The following STXBP6 variants were observed in gnomAD, a reference collection of about 807,000 sequenced individuals.
STXBP6 encodes the protein syntaxin-binding protein 6.
STXBP6 carries 21 observed loss-of-function variants against 26.9 expected under a neutral mutation model. The observed-to-expected ratio is 0.78, with a 90% confidence interval of 0.55 to 1.12. The LOEUF (loss-of-function observed/expected upper bound fraction) is 1.12, where lower values mean the gene tolerates loss of function less well. STXBP6 is among the 50% of genes most tolerant of loss of function. The probability of loss-of-function intolerance (pLI) is 0.00; values close to 1 mark genes in which losing one functional copy is unlikely to be tolerated. For synonymous variants in STXBP6, 97 were observed against 92.6 expected (o/e 1.05, Z -0.27); for missense variants, 232 against 257.9 (o/e 0.90, Z 0.69).
intron 2 of STXBP6, among the ~76,000 whole-genome samples, chr14:24,957,397 C>A (rs904910175): frequency 3.9e-5 from 6 of 152,196 alleles, no homozygotes; most frequent in African/African-American, 9.7e-5. Flanking sequence ...CTTGTCATCA[C>A]GATCCTAATG....
At chr14:24,827,127 G>A (rs2068308434) in intron 4 of STXBP6, among the ~76,000 whole-genome samples, 1 of 152,114 alleles carries the variant, frequency 6.6e-6, no homozygotes, top group Non-Finnish European at 1.5e-5. Flanking sequence ...CTTGAGCCTG[G>A]GACACTGAGG....
intron 4 of STXBP6, among the ~76,000 whole-genome samples, chr14:24,826,459 C>A (rs769569805): frequency 1.6e-4 from 24 of 152,092 alleles, no homozygotes; most frequent in Non-Finnish European, 4.4e-5. Flanking sequence ...CTACTTAGCT[C>A]ATCTTTCTTT....
chr14:24,985,053 C>G (rs960516816), intron 1 of STXBP6, among the ~76,000 whole-genome samples: 10 of 152,178 alleles, frequency 6.6e-5, no homozygotes, highest in Admixed American at 2.0e-4. Context: ...CTGTTATCAC[C>G]CTAGCCCAGC....
intron 4 of STXBP6, among the ~76,000 whole-genome samples, chr14:24,822,265 C>A (rs1341801282): frequency 1.3e-5 from 2 of 152,090 alleles, no homozygotes; most frequent in African/African-American, 4.8e-5. Context: ...AGTCTAGACA[C>A]CTTCCTCACT....
At chr14:24,894,808 CCG>C (rs2070926690) in intron 2 of STXBP6, among the ~76,000 whole-genome samples, 1 of 152,158 alleles carries the variant, frequency 6.6e-6, no homozygotes. Flanking sequence ...CTCATGGAGA[CCG>C]TGGCTTCCCA....
intron 1 of STXBP6, among the ~76,000 whole-genome samples, chr14:24,991,060 CAGA>C (rs2074461155): frequency 1.3e-5 from 2 of 149,044 alleles, no homozygotes; most frequent in Non-Finnish European, 3.0e-5. Context: ...AGACAGAAGA[CAGA>C]GGAGAGGCAG....
intron 2 of STXBP6, among the ~76,000 whole-genome samples, chr14:24,874,413 T>C (rs2070057179): frequency 6.6e-6 from 1 of 151,942 alleles, no homozygotes. Context: ...TTCAGAAGAG[T>C]GTGGAAAGCC....
intron 1 of STXBP6, among the ~76,000 whole-genome samples, chr14:25,040,268 G>A (rs1043929928): frequency 3.3e-5 from 5 of 152,194 alleles, no homozygotes; most frequent in African/African-American, 1.2e-4. Context: ...GAACTTGGGG[G>A]TGGTCAGAAA....
intron 1 of STXBP6, among the ~76,000 whole-genome samples, chr14:25,029,435 G>C (rs909270208): frequency 5.3e-5 from 8 of 152,040 alleles, no homozygotes; most frequent in Non-Finnish European, 1.2e-4. Context: ...TTTTAATTCA[G>C]GTATGTATTT....
chr14:24,985,114 T>C lies in STXBP6; in HGVS notation c.-32-10264A>G, dbSNP rs148260254. 4.6e-3 allele frequency among the ~76,000 whole-genome samples: 707 copies of C among 152,344 alleles called. 20 individuals are homozygous for C. The highest frequency in any genetic ancestry group is 0.038 in the Admixed American group (577 of 15,300). On this transcript the variant is annotated intron_variant, in intron 1 of 5. Coordinates refer to ENST00000323944, the MANE Select transcript of STXBP6 (RefSeq NM_001394410.1). ...GTAGTTTGAAGTCATTCTTTCTGGA[T>C]ATCTGTTCATCTTGTGTGTGCATAT...
intron 2 of STXBP6, among the ~76,000 whole-genome samples, chr14:24,913,141 C>A (rs910985978): frequency 2.6e-5 from 4 of 152,074 alleles, no homozygotes; most frequent in Non-Finnish European, 5.9e-5. Context: ...GAAAAGGAAA[C>A]CTCCACTGAG....
rs151152831 is a variant in STXBP6 at position 24,858,015 on chromosome 14, T to TTAAA, written c.155-862_155-859dup. Among the ~76,000 whole-genome samples the TTAAA allele has an allele frequency of 2.2e-3, 332 of 152,164 alleles. 2 individuals carry two copies. Among genetic ancestry groups the TTAAA allele is most frequent in the African/African-American group, 7.6e-3 (315 of 41,530 alleles). ...AACCCTGGCTATAGGAATTAGCAAA[T>TTAAA]TAAATAGAAAGGAACTACAGAAAGT... On this transcript the variant is annotated intron_variant, in intron 2 of 5. Coordinates refer to ENST00000323944, the MANE Select transcript of STXBP6 (RefSeq NM_001394410.1).
chr14:24,996,326 C>G (rs1429811774), intron 1 of STXBP6, among the ~76,000 whole-genome samples: 1 of 151,970 alleles, frequency 6.6e-6, no homozygotes, highest in South Asian at 2.1e-4. Context: ...GGTTTTAGTC[C>G]TTAGGAATTT....
chr14:25,019,253 C>G (rs1351466579), intron 1 of STXBP6, among the ~76,000 whole-genome samples: 1 of 152,160 alleles, frequency 6.6e-6, no homozygotes, highest in Admixed American at 6.6e-5. Flanking sequence ...GAATCCAAGT[C>G]TCAGGACTCT....
chr14:25,032,574 G>T (rs956732875), intron 1 of STXBP6, among the ~76,000 whole-genome samples: 2 of 152,234 alleles, frequency 1.3e-5, no homozygotes, highest in African/African-American at 4.8e-5. Flanking sequence ...GTCCGGGGAA[G>T]CCTCACCTAC....
At chr14:25,030,136 C>T (rs749792250) in intron 1 of STXBP6, among the ~76,000 whole-genome samples, 8 of 152,230 alleles carry the variant, frequency 5.3e-5, no homozygotes, top group Admixed American at 2.6e-4. Context: ...ACAATGGCAT[C>T]CCTTGCCAAT....
intron 1 of STXBP6, among the ~76,000 whole-genome samples, chr14:25,013,635 G>A (rs757910116): frequency 6.6e-6 from 1 of 151,850 alleles, no homozygotes; most frequent in Admixed American, 6.6e-5. Context: ...AGAGGCTAGA[G>A]GAATATGTTA....
intron 5 of STXBP6, among the ~76,000 whole-genome samples, chr14:24,814,800 A>G (rs1216210201): frequency 1.3e-5 from 2 of 152,168 alleles, no homozygotes; most frequent in African/African-American, 2.4e-5. Context: ...GTGTCCTTAT[A>G]AAGTGGCTGA....
At chr14:24,842,789 A>G (rs2139037543) in intron 4 of STXBP6, among the ~76,000 whole-genome samples, 1 of 152,092 alleles carries the variant, frequency 6.6e-6, no homozygotes, top group African/African-American at 2.4e-5. Context: ...TTTTAACAGG[A>G]AAAAAAAGGG....
Sources: gnomAD v4.1 joint callset for allele counts (sites outside exome capture counted in the v4.1 genomes callset) on GRCh38, gnomAD v4.1.1 for gene constraint, MANE v1.5 for transcripts, NCBI Gene and HGNC (gene_info 2026-07-23, HGNC 2026-07-21) for gene names.